The following APOBEC1 variants were observed in gnomAD, a reference collection of about 807,000 sequenced individuals.
The protein encoded by APOBEC1 is C->U-editing enzyme APOBEC-1.
APOBEC1 carries 22 observed loss-of-function variants against 26.3 expected under a neutral mutation model. That is an observed-to-expected ratio of 0.84 (90% confidence interval 0.60 to 1.19). The LOEUF is 1.19. APOBEC1 is among the 50% of genes most tolerant of loss of function. The pLI is 0.00. For synonymous variants in APOBEC1, 77 were observed against 95.3 expected, an observed-to-expected ratio of 0.81 and a Z score of 1.12; for missense variants, 253 against 289.0, an observed-to-expected ratio of 0.88 and a Z score of 0.90.
chr12:7,670,238 C>A (rs1457837284), upstream of APOBEC1, among the ~76,000 whole-genome samples: 18 of 138,734 alleles, frequency 1.3e-4, 3 homozygotes, highest in African/African-American at 4.7e-4. Flanking sequence ...CCTGCCCCAG[C>A]CTCCCAAAGT....
intron 1 of APOBEC1, among the ~76,000 whole-genome samples, chr12:7,660,334 G>GGGAAGGAAGGAAGGAAGGAAGGAA (rs756648758): frequency 6.4e-4 from 23 of 35,746 alleles, no homozygotes; most frequent in Non-Finnish European, 1.1e-3. Context: ...AAGGAAGGAA[G>GGGAAGGAAGGAAGGAAGGAAGGAA]GGAAGGAAGG....
upstream of APOBEC1, among the ~76,000 whole-genome samples, chr12:7,669,036 C>T (rs1269183566): frequency 1.3e-5 from 2 of 151,672 alleles, no homozygotes; most frequent in African/African-American, 2.4e-5. Context: ...CTGGCCAGCA[C>T]CCCCCAATTC....
At chr12:7,655,264 A>G (rs1160862316) in intron 1 of APOBEC1, among the ~76,000 whole-genome samples, 1 of 152,080 alleles carries the variant, frequency 6.6e-6, no homozygotes, top group Non-Finnish European at 1.5e-5. Context: ...TAATCCCAGC[A>G]CTTTGGGAGG....
intron 4 of APOBEC1, among the ~76,000 whole-genome samples, chr12:7,650,185 G>A (rs1281207579): frequency 2.6e-5 from 4 of 152,164 alleles, no homozygotes; most frequent in African/African-American, 7.2e-5. Context: ...ACACTAATAA[G>A]AGAAAGGAGA....
intron 2 of APOBEC1, among the ~76,000 whole-genome samples, chr12:7,654,155 A>G (rs1863682698): frequency 6.6e-6 from 1 of 152,216 alleles, no homozygotes; most frequent in Non-Finnish European, 1.5e-5. Context: ...ACTAATGGCT[A>G]TAAAAGCATG....
Position 7,654,639 on chromosome 12 carries a change from A to C in APOBEC1, c.17-7T>G. 6.2e-7 allele frequency: 1 copy of C among 1,613,836 alleles called. No homozygotes were observed. Among genetic ancestry groups the C allele is most frequent in the Non-Finnish European group, 8.5e-7 (1 of 1,179,744 alleles). ...GGGTCACCGGTTGAAGGACCTGTTG[A>C]CCAAGATATGATTATGTCAAACAAC... On this transcript the variant is annotated splice_polypyrimidine_tract_variant and splice_region_variant and intron_variant, in intron 1 of 4. Transcript: ENST00000229304.
At chr12:7,670,084 G>C (rs879511500), upstream of APOBEC1, among the ~76,000 whole-genome samples, 7,577 of 118,324 alleles carry the variant, frequency 0.064, 284 homozygotes, top group African/African-American at 0.076. Flanking sequence ...CCCGGGTTCA[G>C]GTGATTCTCT....
intron 3 of APOBEC1, 92 bp downstream of exon 3, chr12:7,652,346 C>T (rs1356196893): frequency 8.3e-7 from 1 of 1,207,888 alleles, no homozygotes. Context: ...CTGAGACTTC[C>T]AGCCTGGGCT....
At chr12:7,652,165 C>T (rs1863652346) in intron 3 of APOBEC1, among the ~76,000 whole-genome samples, 1 of 152,052 alleles carries the variant, frequency 6.6e-6, no homozygotes, top group Non-Finnish European at 1.5e-5. Context: ...ACTATGTTGC[C>T]CAGGCTGATC....
upstream of APOBEC1, among the ~76,000 whole-genome samples, chr12:7,670,116 T>C (rs1863934655): frequency 8.2e-6 from 1 of 122,168 alleles, no homozygotes; most frequent in Non-Finnish European, 1.8e-5. Context: ...CCCGAGTAGC[T>C]GGGATTACAG....
intron 1 of APOBEC1, among the ~76,000 whole-genome samples, chr12:7,664,602 T>C (rs1863866375): frequency 6.6e-6 from 1 of 151,582 alleles, no homozygotes; most frequent in Non-Finnish European, 1.5e-5. Flanking sequence ...TGGAATCTCC[T>C]CTTCTTTGTC....
intron 1 of APOBEC1, among the ~76,000 whole-genome samples, chr12:7,661,553 AT>A (rs1243779947): frequency 4.6e-5 from 7 of 152,166 alleles, no homozygotes; most frequent in South Asian, 2.1e-4. Flanking sequence ...AATTATACAT[AT>A]TTTAAACCAC....
At chr12:7,668,123 G>A (rs12318317), upstream of APOBEC1, among the ~76,000 whole-genome samples, 479 of 152,150 alleles carry the variant, frequency 3.1e-3, 7 homozygotes, top group African/African-American at 0.011. Flanking sequence ...AAGAGTCAGA[G>A]TCAGGATGCG....
At chr12:7,650,992 C>T (rs1375501994) in intron 4 of APOBEC1, 31 bp downstream of exon 4, 1 of 1,473,214 alleles carries the variant, frequency 6.8e-7, no homozygotes, top group Non-Finnish European at 9.4e-7. Context: ...CTTCTTTTTG[C>T]ATCAACATTT....
chr12:7,661,578 G>A (rs1419528448), intron 1 of APOBEC1, among the ~76,000 whole-genome samples: 1 of 151,986 alleles, frequency 6.6e-6, no homozygotes, highest in Non-Finnish European at 1.5e-5. Context: ...TCGAGAGGAA[G>A]GAGAAAAGAT....
At chr12:7,653,043 C>T (rs1459491836) in intron 2 of APOBEC1, among the ~76,000 whole-genome samples, 1 of 152,130 alleles carries the variant, frequency 6.6e-6, no homozygotes, top group African/African-American at 2.4e-5. Context: ...GATTTTTCTG[C>T]CTCAACTTCC....
chr12:7,662,803 G>C (rs1220678695), intron 1 of APOBEC1, among the ~76,000 whole-genome samples: 2 of 152,136 alleles, frequency 1.3e-5, no homozygotes, highest in African/African-American at 4.8e-5. Flanking sequence ...CCTGAAGTGT[G>C]GACCTTGACT....
At chr12:7,663,925 C>T (rs1466400685) in intron 1 of APOBEC1, among the ~76,000 whole-genome samples, 1 of 151,936 alleles carries the variant, frequency 6.6e-6, no homozygotes, top group Non-Finnish European at 1.5e-5. Context: ...GGCGCGATCT[C>T]GGCTCACTGC....
intron 3 of APOBEC1, 53 bp from the exon 4 acceptor site, chr12:7,651,194 A>G (rs1863633076): frequency 1.5e-6 from 2 of 1,306,844 alleles, no homozygotes; most frequent in Admixed American, 3.4e-5. Flanking sequence ...TAAATTACTT[A>G]AGAAGATCCC....
Sources: allele counts gnomAD v4.1 joint callset (sites outside exome capture counted in the v4.1 genomes callset), GRCh38; gene constraint gnomAD v4.1.1; transcripts MANE v1.5; gene names NCBI Gene and HGNC (gene_info 2026-07-23, HGNC 2026-07-21).